LRRC37A2: variants seen among roughly 807,000 people sequenced by gnomAD.
LRRC37A2 encodes leucine-rich repeat-containing protein 37A2.
In LRRC37A2, 9 loss-of-function variants were observed where a neutral mutation model predicts 68.8. The ratio of observed to expected loss-of-function variants is 0.13; its 90% CI spans 0.08 to 0.23. LRRC37A2 has a LOEUF of 0.23. Ranked by LOEUF, LRRC37A2 falls within the 10% of genes least tolerant of loss-of-function variation. LRRC37A2 has a pLI of 1.00. For synonymous variants in LRRC37A2, 63 were observed against 367.6 expected (o/e 0.17, Z 9.48); for missense variants, 168 against 950.4 (o/e 0.18, Z 10.82).
the LRRC37A2 span, among the ~76,000 whole-genome samples, chr17:46,856,329 G>A: frequency 6.6e-6 from 1 of 152,162 alleles, no homozygotes; most frequent in South Asian, 2.1e-4. Context: ...TATGTGCTAA[G>A]TGCTCAGTCC....
chr17:46,896,030 G>T, the LRRC37A2 span, among the ~76,000 whole-genome samples: 1 of 152,158 alleles, frequency 6.6e-6, no homozygotes, highest in African/African-American at 2.4e-5. Context: ...TGTAATCCCA[G>T]CACTTTGGGA....
At chr17:46,996,691 G>T in the LRRC37A2 span, among the ~76,000 whole-genome samples, 1 of 152,220 alleles carries the variant, frequency 6.6e-6, no homozygotes, top group African/African-American at 2.4e-5. Flanking sequence ...TGTTGCCCAG[G>T]CTGGAGTGTA....
At chr17:46,775,051 G>A in the LRRC37A2 span, among the ~76,000 whole-genome samples, 4 of 152,214 alleles carry the variant, frequency 2.6e-5, no homozygotes, top group East Asian at 1.9e-4. Context: ...AAGAGGGGCC[G>A]GGAGAAGACC....
At chr17:47,018,739 A>G in the LRRC37A2 span, 1 of 1,520,922 alleles carries the variant, frequency 6.6e-7, no homozygotes, top group South Asian at 1.1e-5. Context: ...CTAACCCATC[A>G]GGAGGCCCCA....
At chr17:46,736,846 G>A in the LRRC37A2 span, among the ~76,000 whole-genome samples, 3 of 152,180 alleles carry the variant, frequency 2.0e-5, no homozygotes, top group Non-Finnish European at 2.9e-5. Context: ...GTAAAAGTGT[G>A]CAAGTGCCTC....
At chr17:46,747,538 C>T in the LRRC37A2 span, among the ~76,000 whole-genome samples, 874 of 152,184 alleles carry the variant, frequency 5.7e-3, 1 homozygote, top group Non-Finnish European at 7.2e-3. Flanking sequence ...TCTCAGCCTC[C>T]CAAAGTGCTG....
the LRRC37A2 span, among the ~76,000 whole-genome samples, chr17:46,890,636 T>G: frequency 6.6e-6 from 1 of 151,994 alleles, no homozygotes; most frequent in Non-Finnish European, 1.5e-5. Flanking sequence ...TGAACCGGGG[T>G]CTATCTCCTT....
At chr17:46,935,519 C>G in the LRRC37A2 span, 27 of 1,291,314 alleles carry the variant, frequency 2.1e-5, no homozygotes, top group Non-Finnish European at 2.6e-5. Flanking sequence ...GAAGACGTGG[C>G]TGTCCTTTGG....
the LRRC37A2 span, among the ~76,000 whole-genome samples, chr17:46,788,568 T>A: frequency 6.6e-6 from 1 of 152,218 alleles, no homozygotes; most frequent in Non-Finnish European, 1.5e-5. Context: ...CAATTCAAAT[T>A]GTTCCCTCTG....
the LRRC37A2 span, among the ~76,000 whole-genome samples, chr17:46,657,926 A>G: frequency 1.1e-5 from 1 of 87,552 alleles, no homozygotes; most frequent in African/African-American, 5.2e-5. Flanking sequence ...TGAAGAGCTC[A>G]CCACATTTCT....
chr17:47,030,017 G>A, the LRRC37A2 span, among the ~76,000 whole-genome samples: 2 of 150,196 alleles, frequency 1.3e-5, no homozygotes, highest in Admixed American at 1.3e-4. Flanking sequence ...GAGCCGAGAT[G>A]GCACCATTGC....
the LRRC37A2 span, among the ~76,000 whole-genome samples, chr17:46,784,191 G>A: frequency 6.6e-6 from 1 of 152,172 alleles, no homozygotes; most frequent in Non-Finnish European, 1.5e-5. Flanking sequence ...TTGGTCCCAT[G>A]AGAAACAGGA....
the LRRC37A2 span, among the ~76,000 whole-genome samples, chr17:46,761,700 TAAAAAGA>T: frequency 1.7e-3 from 259 of 152,216 alleles, 1 homozygote; most frequent in Middle Eastern, 0.01. Flanking sequence ...TCAGGAGAAA[TAAAAAGA>T]AAAAACATTT....
At chr17:46,767,773 G>GTTTTTTTT in the LRRC37A2 span, among the ~76,000 whole-genome samples, 2 of 150,516 alleles carry the variant, frequency 1.3e-5, no homozygotes, top group African/African-American at 4.9e-5. Flanking sequence ...ACTGAATTTT[G>GTTTTTTTT]TTTTTTTTTG....
At chr17:46,828,173 C>G in the LRRC37A2 span, among the ~76,000 whole-genome samples, 2 of 151,910 alleles carry the variant, frequency 1.3e-5, no homozygotes, top group African/African-American at 4.8e-5. Flanking sequence ...CTCTGTCTCT[C>G]TCTTTTTTTC....
intron 12 of LRRC37A2, chr17:46,553,822 T>C (rs2145908353): frequency 3.5e-6 from 1 of 287,914 alleles, no homozygotes; most frequent in South Asian, 1.4e-4. Flanking sequence ...CCCCAGCCCT[T>C]TCGGGAGGTG....
At chr17:46,999,439 C>T in the LRRC37A2 span, among the ~76,000 whole-genome samples, 6 of 152,176 alleles carry the variant, frequency 3.9e-5, no homozygotes, top group African/African-American at 1.4e-4. Context: ...GCCTTGAACT[C>T]CCAGGCTCAA....
the LRRC37A2 span, chr17:46,821,101 T>A: frequency 3.9e-5 from 6 of 152,050 alleles, no homozygotes; most frequent in Admixed American, 3.9e-4. Context: ...TGAGGGGTCA[T>A]GTGTACCTGA....
At chr17:46,818,389 G>T in the LRRC37A2 span, 2 of 857,022 alleles carry the variant, frequency 2.3e-6, no homozygotes, top group Non-Finnish European at 3.8e-6. Context: ...GGGGTGGGCG[G>T]GTGGGGGGCT....
Sources: allele counts gnomAD v4.1 joint callset (sites outside exome capture counted in the v4.1 genomes callset), GRCh38; gene constraint gnomAD v4.1.1; transcripts MANE v1.5; gene names NCBI Gene and HGNC (gene_info 2026-07-23, HGNC 2026-07-21).